Variants in COL5A1 observed in about 807,000 individuals in gnomAD.
COL5A1 encodes collagen alpha-1(V) chain.
Under a neutral mutation model 263.7 loss-of-function variants are expected in COL5A1, and 16 were observed. The observed-to-expected ratio is 0.06, with a 90% confidence interval of 0.04 to 0.09. The LOEUF is 0.09. COL5A1 is among the 10% of genes least tolerant of loss of function. COL5A1 has a pLI of 1.00. For missense variants in COL5A1, 2,036 were observed against 2,540.5 expected, an observed-to-expected ratio of 0.80 and a Z score of 4.27; for synonymous variants, 1,012 against 1,004.5, an observed-to-expected ratio of 1.01 and a Z score of -0.14.
chr9:134,776,868 C>T (rs1301227596), intron 27 of COL5A1, among the ~76,000 whole-genome samples: 12 of 152,172 alleles, frequency 7.9e-5, no homozygotes, highest in Non-Finnish European at 1.3e-4. Flanking sequence ...TTGATGGTCC[C>T]GTCTCACTGT....
chr9:134,730,787 G>A (rs1390924075), intron 7 of COL5A1, among the ~76,000 whole-genome samples: 1 of 152,242 alleles, frequency 6.6e-6, no homozygotes, highest in Non-Finnish European at 1.5e-5. Flanking sequence ...GTGGAAATTG[G>A]ATGAGGAGGG....
Position 134,766,991 on chromosome 9 carries a change from C to G in COL5A1, c.2134-9C>G, listed in dbSNP as rs763110339. The G allele has an allele frequency of 1.2e-6, 2 of 1,613,412 alleles. No individual in the cohort carries two copies. Among genetic ancestry groups the G allele is most frequent in the East Asian group, 4.5e-5 (2 of 44,846 alleles). ...CCCCCTTCAGTGCCTTTGCTCTTGT[C>G]TCCTGTAGGGTCCCCAGGGAGAGCC... On this transcript the variant is annotated splice_polypyrimidine_tract_variant and intron_variant, in intron 22 of 65. Coordinates refer to ENST00000371817, the MANE Select transcript of COL5A1 (RefSeq NM_000093.5).
intron 4 of COL5A1, among the ~76,000 whole-genome samples, chr9:134,718,302 T>G (rs766767353): frequency 6.6e-6 from 1 of 152,204 alleles, no homozygotes; most frequent in Non-Finnish European, 1.5e-5. Flanking sequence ...CAGAGCGGAA[T>G]GGCCGTAATG....
chr9:134,685,292 AC>A (rs1832999738), intron 1 of COL5A1, among the ~76,000 whole-genome samples: 1 of 66,180 alleles, frequency 1.5e-5, no homozygotes. Flanking sequence ...CCATCCATCC[AC>A]CATCCATCCA....
intron 1 of COL5A1, among the ~76,000 whole-genome samples, chr9:134,685,620 A>AT (rs1270948932): frequency 6.0e-3 from 4 of 662 alleles, no homozygotes; most frequent in Admixed American, 0.011. Context: ...CCATCCATCC[A>AT]CCATCCATCC....
intron 11 of COL5A1, among the ~76,000 whole-genome samples, chr9:134,744,895 TCATGCACATATGCACACACCCAGG>T (rs1835453954): frequency 2.8e-5 from 4 of 142,502 alleles, no homozygotes; most frequent in Non-Finnish European, 4.4e-5. Context: ...GCACACACAC[TCATGCACATATGCACACACCCAGG>T]CGTGCACGTG....
chr9:134,643,171 G>T (rs1831359287), intron 1 of COL5A1, among the ~76,000 whole-genome samples: 1 of 152,164 alleles, frequency 6.6e-6, no homozygotes. Flanking sequence ...TCTCCCTGGC[G>T]CAGCTTCCTG....
chr9:134,785,325 G>A (rs1291765901), intron 30 of COL5A1, among the ~76,000 whole-genome samples: 6 of 152,048 alleles, frequency 3.9e-5, no homozygotes, highest in South Asian at 2.1e-4. Flanking sequence ...CTCCACCATC[G>A]CCTTGGAAGG....
At chr9:134,643,976 C>T (rs1269842232) in intron 1 of COL5A1, among the ~76,000 whole-genome samples, 7 of 152,120 alleles carry the variant, frequency 4.6e-5, no homozygotes, top group African/African-American at 1.7e-4. Flanking sequence ...CCTCGCTAAT[C>T]GAAGTGCGGC....
In COL5A1 at chr9:134,779,297, C is replaced by T. The variant is rs939229489; in HGVS notation, c.2386-805C>T. Among the ~76,000 whole-genome samples the T allele has an allele frequency of 7.2e-5, 11 of 152,318 alleles. 1 individual carries two copies. Among genetic ancestry groups the T allele is most frequent in the Admixed American group, 2.6e-4 (4 of 15,304 alleles). On this transcript the variant is annotated intron_variant, in intron 27 of 65. Transcript: ENST00000371817. ...GCAAGGGTGTGGCTGCGTAATTCCA[C>T]CCCACAGATTTACCTCCACTGCCCC...
chr9:134,696,358 G>T lies in COL5A1; in HGVS notation c.278-3551G>T, dbSNP rs1833469429. Reference sequence around the variant, plus strand: ...CCGGCTAATTTTTTTTATATTTTTGGCAGAGACAGGGATTCACCATGTTGG... The same window carrying T: ...CCGGCTAATTTTTTTTATATTTTTGTCAGAGACAGGGATTCACCATGTTGG... On this transcript the variant is annotated intron_variant, in intron 2 of 65. Coordinates refer to ENST00000371817, the MANE Select transcript of COL5A1 (RefSeq NM_000093.5). The surrounding 1 kb of genome is among the most constrained non-coding windows in gnomAD (Gnocchi z 4.3). Among the ~76,000 whole-genome samples the T allele has an allele frequency of 1.3e-5, 2 of 151,954 alleles. No homozygotes were observed. The highest frequency in any genetic ancestry group is 4.1e-4 in the South Asian group (2 of 4,822).
rs1019436991 is a variant in COL5A1, at chr9:134,844,591, T to C, written c.*2288T>C. On this transcript the variant is annotated 3_prime_UTR_variant, in exon 66 of 66. Coordinates refer to ENST00000371817, the MANE Select transcript of COL5A1 (RefSeq NM_000093.5). ...TATTTTTTCCTCTCAATATATATAA[T>C]TGGACAAACGCTGGCAAAAAGAAAA... The C allele has an allele frequency of 2.0e-5, 3 of 152,106 alleles. No homozygotes were observed. Among genetic ancestry groups the C allele is most frequent in the African/African-American group, 7.2e-5 (3 of 41,412 alleles). The allele number at this position is 152,106 out of a possible 1,614,324, so 9.4% of individuals were successfully genotyped here.
chr9:134,801,909 G>A lies in COL5A1; in HGVS notation c.2953-45G>A, dbSNP rs376246575. The A allele has an allele frequency of 6.7e-5, 106 of 1,586,908 alleles. 1 individual carries two copies. In the South Asian group the frequency reaches 8.2e-4, roughly 12 times the overall value. On this transcript the variant is annotated intron_variant, in intron 37 of 65. Transcript: ENST00000371817. ...TGAGAACAGTGCAGGGCAGGGTGGC[G>A]CAGGCCACTGCAGCACCGTCAGTGC...
chr9:134,720,582 A>G (rs964325340), intron 4 of COL5A1, among the ~76,000 whole-genome samples: 1 of 152,184 alleles, frequency 6.6e-6, no homozygotes, highest in African/African-American at 2.4e-5. Context: ...TGGCTGCCGG[A>G]AGCCCTGGGT....
chr9:134,763,660 T>G, intron 19 of COL5A1, 33 bp from the exon 20 acceptor site: 1 of 1,611,696 alleles, frequency 6.2e-7, no homozygotes, highest in Middle Eastern at 1.7e-4. Context: ...TAACAGCTCA[T>G]TTCTCTAACC....
At chr9:134,746,520 G>A (rs543182660) in intron 11 of COL5A1, among the ~76,000 whole-genome samples, 2 of 152,358 alleles carry the variant, frequency 1.3e-5, no homozygotes, top group Admixed American at 1.3e-4. Flanking sequence ...AGTGGCAGAG[G>A]GAGCCACTTT....
intron 65 of COL5A1, among the ~76,000 whole-genome samples, chr9:134,840,483 T>C (rs138679843): frequency 6.6e-6 from 1 of 152,310 alleles, no homozygotes; most frequent in East Asian, 1.9e-4. Flanking sequence ...CGGTTATCCA[T>C]TGCTTGTAAT....
chr9:134,676,410 A>G (rs1204641028), intron 1 of COL5A1, among the ~76,000 whole-genome samples: 1 of 152,172 alleles, frequency 6.6e-6, no homozygotes, highest in Middle Eastern at 3.2e-3. Flanking sequence ...TATTTGGCAA[A>G]TGCAGCTTTG....
intron 28 of COL5A1, among the ~76,000 whole-genome samples, chr9:134,782,103 C>T (rs566555509): frequency 2.6e-5 from 4 of 152,310 alleles, no homozygotes; most frequent in Non-Finnish European, 4.4e-5. Context: ...GGCACTGACG[C>T]GCGGCAGCCT....
Sources: gnomAD v4.1 joint callset for allele counts (sites outside exome capture counted in the v4.1 genomes callset) on GRCh38, gnomAD v4.1.1 for gene constraint, Gnocchi (gnomAD v3.1) non-coding constraint, MANE v1.5 for transcripts, NCBI Gene and HGNC (gene_info 2026-07-23, HGNC 2026-07-21) for gene names.